Variants in CNTN6 observed in about 807,000 individuals in gnomAD.
CNTN6 encodes contactin 6.
A neutral mutation model predicts 122.8 loss-of-function variants in CNTN6; 137 were observed. The ratio of observed to expected loss-of-function variants is 1.12; its 90% CI spans 0.97 to 1.29. The LOEUF (loss-of-function observed/expected upper bound fraction) is 1.29. Among genes scored for constraint, CNTN6 ranks in the 50% most tolerant of loss-of-function variants. The pLI, the probability that CNTN6 is intolerant of heterozygous loss-of-function variation, is 0.00. For missense variants in CNTN6, 1,634 were observed against 1,223.4 expected (o/e 1.34, Z -5.01); for synonymous variants, 570 against 426.0 (o/e 1.34, Z -4.16).
chr3:1,157,360 G>A (rs12107923), intron 2 of CNTN6, among the ~76,000 whole-genome samples: 9,551 of 152,102 alleles, frequency 0.063, 408 homozygotes, highest in Middle Eastern at 0.13. Context: ...TAGGATTACA[G>A]GCATGTGCCA....
intron 12 of CNTN6, among the ~76,000 whole-genome samples, chr3:1,360,012 C>A (rs998440348): frequency 2.0e-5 from 3 of 152,094 alleles, no homozygotes; most frequent in Non-Finnish European, 4.4e-5. Flanking sequence ...AACTCCATGC[C>A]TTTCTGTTTC....
At chr3:1,266,651 G>C (rs1237914583) in intron 4 of CNTN6, among the ~76,000 whole-genome samples, 1 of 152,034 alleles carries the variant, frequency 6.6e-6, no homozygotes, top group Admixed American at 6.5e-5. Context: ...GCTTATTAAG[G>C]GCTCTGTCTA....
intron 2 of CNTN6, among the ~76,000 whole-genome samples, chr3:1,158,153 T>C (rs2093019116): frequency 6.6e-6 from 1 of 152,200 alleles, no homozygotes; most frequent in African/African-American, 2.4e-5. Context: ...TCACCAATGG[T>C]GTATGATGGT....
chr3:1,113,029 G>A (rs970350391), intron 1 of CNTN6, among the ~76,000 whole-genome samples: 4 of 152,088 alleles, frequency 2.6e-5, no homozygotes, highest in African/African-American at 9.7e-5. Flanking sequence ...TACGTTCCAG[G>A]CAATGCATTA....
In CNTN6 at chr3:1,158,969, C is replaced by CACACACACACATATATATAT. The variant is rs1553610778; in HGVS notation, c.55+10907_55+10908insCACACACACATATATATATA. 1.7e-3 allele frequency among the ~76,000 whole-genome samples: 190 copies of CACACACACACATATATATAT among 112,698 alleles called. 14 individuals carry two copies. Among genetic ancestry groups the CACACACACACATATATATAT allele is most frequent in the African/African-American group, 6.5e-3 (169 of 26,058 alleles). 73.9% of individuals were successfully genotyped at this position (112,698 alleles called of 152,430 possible). A position where few individuals can be genotyped will look rare whatever the true frequency, so the allele number is the denominator to read the frequency against. On this transcript the variant is annotated intron_variant, in intron 2 of 22. Coordinates refer to ENST00000446702, the MANE Select transcript of CNTN6 (RefSeq NM_001289080.2). ...ATATATATATACACACACACACACA[C>CACACACACACATATATATAT]ATATATATATATATAGACAAGGTCT...
At chr3:1,156,848 G>C (rs2092980649) in intron 2 of CNTN6, among the ~76,000 whole-genome samples, 1 of 152,006 alleles carries the variant, frequency 6.6e-6, no homozygotes, top group Non-Finnish European at 1.5e-5. Context: ...CTCCTGAGTA[G>C]CTGGGACTAT....
intron 12 of CNTN6, among the ~76,000 whole-genome samples, chr3:1,355,785 T>A (rs994189168): frequency 1.3e-5 from 2 of 151,830 alleles, no homozygotes; most frequent in African/African-American, 4.8e-5. Flanking sequence ...TCAGCCTCTG[T>A]CATGCAAGAA....
In CNTN6 at chr3:1,098,783, CACACACATATATATATATATATAT is replaced by C. The variant is rs1174368857; in HGVS notation, c.-83+5665_-83+5688del. On this transcript the variant is annotated intron_variant, in intron 1 of 22. Transcript: ENST00000446702. ...ACACACACACACACACACACACACA[CACACACATATATATATATATATAT>C]ATATATATATAGTGGGAAATTTTAA... is the stretch of plus-strand genomic sequence containing the variant. 1.5e-4 allele frequency among the ~76,000 whole-genome samples: 8 copies of C among 54,122 alleles called. No homozygotes were observed. The African/African-American group carries it at 2.2e-3, about 15-fold the overall frequency. The allele number at this position is 54,122 out of a possible 152,430, so 35.5% of individuals were successfully genotyped here. A position where few individuals can be genotyped will look rare whatever the true frequency, so the allele number is the denominator to read the frequency against.
intron 4 of CNTN6, among the ~76,000 whole-genome samples, chr3:1,270,059 C>T (rs2094997522): frequency 6.6e-6 from 1 of 152,122 alleles, no homozygotes; most frequent in South Asian, 2.1e-4. Flanking sequence ...TTGACAATAA[C>T]ATTGTGCTTG....
chr3:1,384,796 T>TATATATATATATAC (rs1224742660), intron 19 of CNTN6, among the ~76,000 whole-genome samples: 2 of 133,788 alleles, frequency 1.5e-5, no homozygotes, highest in East Asian at 2.2e-4. Flanking sequence ...TATATATATA[T>TATATATATATATAC]ACACACACAC....
At chr3:1,316,380 C>T (rs1700100177) in intron 7 of CNTN6, among the ~76,000 whole-genome samples, 1 of 151,776 alleles carries the variant, frequency 6.6e-6, no homozygotes, top group African/African-American at 2.4e-5. Flanking sequence ...GCAGGCATGT[C>T]CTACATGGCT....
At chr3:1,387,872 A>G (rs951213121) in intron 20 of CNTN6, among the ~76,000 whole-genome samples, 3 of 152,070 alleles carry the variant, frequency 2.0e-5, no homozygotes, top group Non-Finnish European at 2.9e-5. Context: ...AAAACGGCGC[A>G]CCACGAGATT....
At chr3:1,283,232 G>C (rs888119866) in intron 5 of CNTN6, among the ~76,000 whole-genome samples, 2 of 152,128 alleles carry the variant, frequency 1.3e-5, no homozygotes, top group African/African-American at 4.8e-5. Flanking sequence ...TGGGATCACC[G>C]GTGTGAGCCA....
In CNTN6 at chr3:1,147,942, A is replaced by T; in HGVS notation, c.-67A>T. On this transcript the variant is annotated 5_prime_UTR_variant, in exon 2 of 23. Transcript: ENST00000446702. The stretch of plus-strand genomic sequence containing the variant: ...TCTTTTTCAGACTCTTGAGATACTG[A>T]CTGGAAGATAGACTGTTTTGTTCCA... The T allele has an allele frequency of 1.8e-6, 2 of 1,131,806 alleles. No individual in the cohort carries two copies. The highest frequency in any genetic ancestry group is 1.3e-5 in the South Asian group (1 of 76,526). The allele number at this position is 1,131,806 out of a possible 1,614,324, so 70.1% of individuals were successfully genotyped here. A position where few individuals can be genotyped will look rare whatever the true frequency, so the allele number is the denominator to read the frequency against.
At chr3:1,115,200 TC>T (rs2091664521) in intron 1 of CNTN6, among the ~76,000 whole-genome samples, 1 of 151,966 alleles carries the variant, frequency 6.6e-6, no homozygotes, top group Non-Finnish European at 1.5e-5. Context: ...GTTTAGAAAT[TC>T]CCCAGTAAAA....
At chr3:1,387,325 A>AATG (rs1199789172) in intron 20 of CNTN6, among the ~76,000 whole-genome samples, 1 of 152,100 alleles carries the variant, frequency 6.6e-6, no homozygotes, top group African/African-American at 2.4e-5. Context: ...ATTAGTTAAC[A>AATG]ATGAAGTTCT....
chr3:1,193,864 G>A (rs1308685950), intron 2 of CNTN6, among the ~76,000 whole-genome samples: 1 of 152,056 alleles, frequency 6.6e-6, no homozygotes, highest in Non-Finnish European at 1.5e-5. Flanking sequence ...GATCTTAAGT[G>A]TTCAGATCAA....
chr3:1,369,488 A>C (rs949628362), intron 12 of CNTN6, among the ~76,000 whole-genome samples: 1 of 151,892 alleles, frequency 6.6e-6, no homozygotes, highest in Non-Finnish European at 1.5e-5. Context: ...CAAATGAGTT[A>C]ACTAGTGAAA....
chr3:1,383,216 G>A (rs1429382067), intron 18 of CNTN6, 40 bp downstream of exon 18: 1 of 1,593,134 alleles, frequency 6.3e-7, no homozygotes, highest in African/African-American at 1.3e-5. Context: ...GAGACTCTAT[G>A]CATAGTTTGT....
Sources: gnomAD v4.1 joint callset for allele counts (sites outside exome capture counted in the v4.1 genomes callset) on GRCh38, gnomAD v4.1.1 for gene constraint, MANE v1.5 for transcripts, NCBI Gene and HGNC (gene_info 2026-07-23, HGNC 2026-07-21) for gene names.